Variants in KCNMA1 observed in about 807,000 individuals in gnomAD.
KCNMA1 encodes the protein potassium calcium-activated channel subfamily M alpha 1, also known as Calcium-activated potassium channel subunit alpha-1.
In KCNMA1, 29 loss-of-function variants were observed where a neutral mutation model predicts 140.0. The observed-to-expected ratio is 0.21, with a 90% confidence interval of 0.15 to 0.28. The LOEUF (loss-of-function observed/expected upper bound fraction) is 0.28, where lower values mean the gene tolerates loss of function less well. KCNMA1 is among the 10% of genes least tolerant of loss of function. KCNMA1 has a pLI of 1.00. For synonymous variants in KCNMA1, 612 were observed against 611.9 expected, an observed-to-expected ratio of 1.00 and a Z score of 0.00; for missense variants, 880 against 1,602.2, an observed-to-expected ratio of 0.55 and a Z score of 7.70.
At chr10:76,929,109 A>C (rs985531410) in intron 23 of KCNMA1, among the ~76,000 whole-genome samples, 23 of 152,346 alleles carry the variant, frequency 1.5e-4, no homozygotes, top group African/African-American at 5.5e-4. Context: ...TAAATAAATA[A>C]GGAGACACAC....
intron 14 of KCNMA1, among the ~76,000 whole-genome samples, chr10:77,058,957 C>G (rs2095641700): frequency 6.6e-6 from 1 of 151,556 alleles, no homozygotes; most frequent in Non-Finnish European, 1.5e-5. Context: ...GATCAGCAAA[C>G]TTTATATCTA....
chr10:76,986,599 C>T (rs970233019), intron 19 of KCNMA1, among the ~76,000 whole-genome samples: 6 of 152,148 alleles, frequency 3.9e-5, no homozygotes, highest in African/African-American at 1.4e-4. Context: ...GAGTTGGGGG[C>T]TTACCCTGCC....
chr10:76,878,334 G>A (rs569761023), intron 29 of KCNMA1, among the ~76,000 whole-genome samples: 37 of 152,254 alleles, frequency 2.4e-4, no homozygotes, highest in Middle Eastern at 6.8e-3. Context: ...GCTGCAGAGC[G>A]AGTGATCCAG....
intron 22 of KCNMA1, chr10:76,948,875 T>C (rs577091542): frequency 1.9e-6 from 1 of 529,414 alleles, no homozygotes; most frequent in South Asian, 2.1e-5. Flanking sequence ...AGTGAGAGTG[T>C]TTAGACGCTG....
chr10:76,878,564 A>G lies in KCNMA1; in HGVS notation c.3428-674T>C, dbSNP rs566138107. 3.3e-5 allele frequency among the ~76,000 whole-genome samples: 5 copies of G among 152,242 alleles called. No individual in the cohort carries two copies. The South Asian group carries it at 1.0e-3, about 32-fold the overall frequency. ...TTTGAGGTGGCTTTTATTTCAAGAAAGAAAACTCTGTGTTGGTATAAAGTT... is the reference window on the plus strand; with the variant it reads ...TTTGAGGTGGCTTTTATTTCAAGAAGGAAAACTCTGTGTTGGTATAAAGTT... On this transcript the variant is annotated intron_variant, in intron 29 of 29. Coordinates refer to the KCNMA1 transcript ENST00000372403.
intron 22 of KCNMA1, among the ~76,000 whole-genome samples, chr10:76,945,531 T>C (rs1228632063): frequency 6.6e-6 from 1 of 152,096 alleles, no homozygotes; most frequent in Admixed American, 6.6e-5. Context: ...ATGTGTGCAA[T>C]GCAAAAGAGA....
intron 16 of KCNMA1, chr10:77,020,900 A>C (rs1037121093): frequency 6.6e-6 from 1 of 152,078 alleles, no homozygotes; most frequent in Non-Finnish European, 1.5e-5. Flanking sequence ...ATATCCCTAG[A>C]ACTCAACTTT....
chr10:77,153,597 C>T (rs943772161), intron 5 of KCNMA1, among the ~76,000 whole-genome samples: 1 of 152,142 alleles, frequency 6.6e-6, no homozygotes, highest in Non-Finnish European at 1.5e-5. Flanking sequence ...GTCTCAAACT[C>T]ACAAGCTCAA....
At chr10:77,628,151 C>T (rs997328430) in intron 1 of KCNMA1, among the ~76,000 whole-genome samples, 1 of 152,154 alleles carries the variant, frequency 6.6e-6, no homozygotes, top group Admixed American at 6.5e-5. Flanking sequence ...TTGAAATGCA[C>T]ATACAGGCAG....
At chr10:77,200,053 C>T (rs567953045) in intron 3 of KCNMA1, among the ~76,000 whole-genome samples, 10 of 152,210 alleles carry the variant, frequency 6.6e-5, no homozygotes, top group African/African-American at 9.6e-5. Flanking sequence ...CAGGTTCAAG[C>T]GATTCTCCTG....
In KCNMA1 at chr10:76,891,594, T is replaced by C. The variant is rs1434672746; in HGVS notation, c.3273A>G (p.Thr1091=). ...CGCGGCAGCGGTCCCTATTGGCCAG[T>C]GTCTGCGGGGTGCTGTAGCCACCTC... is the stretch of plus-strand genomic sequence containing the variant. The part of the protein sequence containing the change: ...ALRGGYSTPQ[T]LANRDRCRVA... The change falls in exon 26 of 28, where the codon ACA becomes ACG. Residue 1091 remains threonine (T), a synonymous_variant. Coordinates refer to ENST00000286628, the MANE Select transcript of KCNMA1 (RefSeq NM_001161352.2). The C allele has an allele frequency of 1.2e-6, 2 of 1,613,896 alleles. No homozygotes were observed. The highest frequency in any genetic ancestry group is 1.7e-6 in the Non-Finnish European group (2 of 1,180,028).
At chr10:77,169,849 G>A (rs948576452) in intron 5 of KCNMA1, among the ~76,000 whole-genome samples, 4 of 152,192 alleles carry the variant, frequency 2.6e-5, no homozygotes, top group African/African-American at 9.7e-5. Context: ...TGGGAGCAAA[G>A]TGTCACCACA....
intron 17 of KCNMA1, among the ~76,000 whole-genome samples, chr10:77,012,808 A>G (rs1475768672): frequency 6.6e-6 from 1 of 152,238 alleles, no homozygotes; most frequent in Non-Finnish European, 1.5e-5. Context: ...GCACTCAAAA[A>G]GAAAATCCCC....
intron 1 of KCNMA1, among the ~76,000 whole-genome samples, chr10:77,583,151 G>A (rs1460776998): frequency 6.6e-6 from 1 of 152,192 alleles, no homozygotes; most frequent in Admixed American, 6.5e-5. Flanking sequence ...TCAGAGCCTG[G>A]CCCTTGTAGC....
At chr10:77,207,702 T>C (rs2044601817) in intron 3 of KCNMA1, among the ~76,000 whole-genome samples, 1 of 152,222 alleles carries the variant, frequency 6.6e-6, no homozygotes, top group African/African-American at 2.4e-5. Flanking sequence ...CTCGCTAATG[T>C]CTGTTCAGGT....
rs1185296154 is a variant in KCNMA1, at chr10:77,170,270, G to A, written c.808+13151C>T. Among the ~76,000 whole-genome samples the A allele has an allele frequency of 3.3e-5, 5 of 152,344 alleles. No individual in the cohort carries two copies. The East Asian group carries it at 9.7e-4, about 29-fold the overall frequency. ...ACCTATCATCTGTTCTTACTCTCAT[G>A]AGCAGGCTTGGGCCCAGGCCTGGGC... On this transcript the variant is annotated intron_variant, in intron 5 of 27. Coordinates refer to ENST00000286628, the MANE Select transcript of KCNMA1 (RefSeq NM_001161352.2).
chr10:76,934,550 C>A (rs145377384), intron 23 of KCNMA1, among the ~76,000 whole-genome samples: 1 of 152,162 alleles, frequency 6.6e-6, no homozygotes, highest in Non-Finnish European at 1.5e-5. Flanking sequence ...GTGTCAAAGT[C>A]ATTCCATACA....
intron 2 of KCNMA1, among the ~76,000 whole-genome samples, chr10:77,334,180 A>T (rs1357015217): frequency 1.3e-5 from 2 of 152,138 alleles, no homozygotes; most frequent in Admixed American, 1.3e-4. Context: ...TAAAGTCCAA[A>T]GGGCATGGAT....
At chr10:76,957,670 G>A (rs1444526686) in intron 20 of KCNMA1, among the ~76,000 whole-genome samples, 1 of 152,182 alleles carries the variant, frequency 6.6e-6, no homozygotes, top group Non-Finnish European at 1.5e-5. Context: ...GAAAGACACA[G>A]CTAGAAGAAT....
Sources: allele counts gnomAD v4.1 joint callset (sites outside exome capture counted in the v4.1 genomes callset), GRCh38; gene constraint gnomAD v4.1.1; transcripts MANE v1.5; gene names NCBI Gene and HGNC (gene_info 2026-07-23, HGNC 2026-07-21).